The following DHRSX variants were observed in gnomAD, a reference collection of about 807,000 sequenced individuals.
DHRSX encodes polyprenol dehydrogenase.
Under a neutral mutation model 34.0 loss-of-function variants are expected in DHRSX, and 31 were observed. That is an observed-to-expected ratio of 0.91 (90% CI 0.69 to 1.23). The LOEUF is 1.23. DHRSX is among the 50% of genes most tolerant of loss of function. DHRSX has a pLI of 0.00. For synonymous variants in DHRSX, 201 were observed against 183.8 expected, an observed-to-expected ratio of 1.09 and a Z score of -0.76; for missense variants, 414 against 428.1, an observed-to-expected ratio of 0.97 and a Z score of 0.29.
intron 5 of DHRSX, among the ~76,000 whole-genome samples, chrX:2,259,272 CA>C (rs948179928): frequency 1.0e-4 from 11 of 105,840 alleles, no homozygotes; most frequent in Admixed American, 9.7e-5. Flanking sequence ...GACTCTGTCT[CA>C]AAAAAAAAAT....
chrX:2,497,662 C>T (rs1224238360), intron 1 of DHRSX, among the ~76,000 whole-genome samples: 1 of 152,158 alleles, frequency 6.6e-6, no homozygotes, highest in Non-Finnish European at 1.5e-5. Context: ...CTATTATTTA[C>T]AATAGAACTT....
At chrX:2,500,447 C>T in intron 1 of DHRSX, 1 of 162,572 alleles carries the variant, frequency 6.2e-6, no homozygotes, top group Non-Finnish European at 1.4e-5. Context: ...CGTGCGAGCC[C>T]CCGGGTCCCC....
chrX:2,496,670 T>C (rs1276713270), intron 1 of DHRSX, among the ~76,000 whole-genome samples: 1 of 152,080 alleles, frequency 6.6e-6, no homozygotes, highest in Non-Finnish European at 1.5e-5. Context: ...ATTTTAAATG[T>C]TCCCACCGCA....
chrX:2,249,358 T>C (rs927339156), intron 5 of DHRSX, among the ~76,000 whole-genome samples: 6 of 139,922 alleles, frequency 4.3e-5, no homozygotes, highest in African/African-American at 1.6e-4. Context: ...ATGCCCGGCT[T>C]TTTTTTTTTT....
intron 2 of DHRSX, among the ~76,000 whole-genome samples, chrX:2,412,328 T>C (rs971036992): frequency 6.6e-6 from 1 of 152,134 alleles, no homozygotes; most frequent in African/African-American, 2.4e-5. Context: ...GGGTGACCCG[T>C]TTGCCTTTGC....
At chrX:2,401,480 A>C (rs2043485023) in intron 3 of DHRSX, among the ~76,000 whole-genome samples, 1 of 152,134 alleles carries the variant, frequency 6.6e-6, no homozygotes, top group Non-Finnish European at 1.5e-5. Flanking sequence ...AAATGAGGAC[A>C]CCGTGCACCT....
intron 1 of DHRSX, among the ~76,000 whole-genome samples, chrX:2,491,490 A>G (rs1335462716): frequency 6.6e-6 from 1 of 152,150 alleles, no homozygotes; most frequent in Admixed American, 6.5e-5. Context: ...AGAAGAATCC[A>G]CAAGTGGCCA....
chrX:2,240,781 GTTCT>G (rs756701505), intron 6 of DHRSX, among the ~76,000 whole-genome samples: 84 of 152,226 alleles, frequency 5.5e-4, no homozygotes, highest in African/African-American at 1.4e-3. Context: ...GCTTCTCAAG[GTTCT>G]TTCTTTGTTT....
At chrX:2,337,146 T>C (rs2042579222) in intron 3 of DHRSX, among the ~76,000 whole-genome samples, 2 of 152,112 alleles carry the variant, frequency 1.3e-5, no homozygotes, top group Non-Finnish European at 2.9e-5. Context: ...CCAACAAAGC[T>C]ATTTCCCGTA....
At chrX:2,490,014 A>G (rs1457672005) in intron 1 of DHRSX, 1 of 1,613,732 alleles carries the variant, frequency 6.2e-7, no homozygotes, top group African/African-American at 1.3e-5. Context: ...GGCACCTCGA[A>G]GGTCTTCAGG....
At chrX:2,371,524 C>CT (rs1351763714) in intron 3 of DHRSX, among the ~76,000 whole-genome samples, 4 of 125,604 alleles carry the variant, frequency 3.2e-5, no homozygotes, top group Admixed American at 1.7e-4. Flanking sequence ...ACAGCCCCTC[C>CT]TCCGTTACCA....
intron 3 of DHRSX, among the ~76,000 whole-genome samples, chrX:2,382,975 T>TCAC (rs1233442297): frequency 3.4e-5 from 2 of 58,768 alleles, no homozygotes; most frequent in African/African-American, 5.1e-5. Flanking sequence ...ATCACCATCA[T>TCAC]CACCATCATC....
At chrX:2,229,079 A>G (rs1242767683) in intron 6 of DHRSX, among the ~76,000 whole-genome samples, 1 of 152,130 alleles carries the variant, frequency 6.6e-6, no homozygotes, top group East Asian at 1.9e-4. Flanking sequence ...CCTTCTGGAA[A>G]TGTTGCTATT....
chrX:2,409,082 C>A (rs2043594918), intron 2 of DHRSX, among the ~76,000 whole-genome samples: 1 of 152,144 alleles, frequency 6.6e-6, no homozygotes, highest in African/African-American at 2.4e-5. Context: ...GGACCCGGGG[C>A]ACCTGCTGGT....
At chrX:2,465,460 T>C (rs1203433584) in intron 1 of DHRSX, among the ~76,000 whole-genome samples, 1 of 152,096 alleles carries the variant, frequency 6.6e-6, no homozygotes, top group African/African-American at 2.4e-5. Flanking sequence ...TTTGGCAATG[T>C]CATTTCATCA....
intron 1 of DHRSX, among the ~76,000 whole-genome samples, chrX:2,454,883 C>T (rs2044274418): frequency 6.6e-6 from 1 of 151,974 alleles, no homozygotes; most frequent in Admixed American, 6.6e-5. Context: ...GAGGCCGAGG[C>T]GGGTGGATTA....
At chrX:2,344,887 ATATATATATATATATATATATATATATAC>A (rs1482061411) in intron 3 of DHRSX, among the ~76,000 whole-genome samples, 2 of 90,046 alleles carry the variant, frequency 2.2e-5, no homozygotes, top group African/African-American at 7.8e-5. Context: ...ATATATATAT[ATATATATATATATATATATATATATATAC>A]TGTATTTATT....
At chrX:2,250,755 T>C (rs1041953203) in intron 5 of DHRSX, among the ~76,000 whole-genome samples, 1 of 152,144 alleles carries the variant, frequency 6.6e-6, no homozygotes, top group Non-Finnish European at 1.5e-5. Flanking sequence ...GAATGCCTCA[T>C]CCACCTCCAG....
At chrX:2,332,894 G>A (rs1309556264) in intron 3 of DHRSX, among the ~76,000 whole-genome samples, 4 of 152,016 alleles carry the variant, frequency 2.6e-5, no homozygotes, top group South Asian at 2.1e-4. Context: ...TGTACTCTGC[G>A]GTGAGTACCA....
Sources: gnomAD v4.1 joint callset for allele counts (sites outside exome capture counted in the v4.1 genomes callset) on GRCh38, gnomAD v4.1.1 for gene constraint, MANE v1.5 for transcripts, NCBI Gene and HGNC (gene_info 2026-07-23, HGNC 2026-07-21) for gene names.